The following SYNE2 variants were observed in gnomAD, a reference collection of about 807,000 sequenced individuals.
The protein encoded by SYNE2 is nesprin-2.
A neutral mutation model predicts 856.3 loss-of-function variants in SYNE2; 431 were observed. The observed-to-expected ratio is 0.50, with a 90% CI of 0.47 to 0.55. The LOEUF is 0.55. Ranked by LOEUF, SYNE2 falls within the 20% of genes least tolerant of loss-of-function variation. The pLI, the probability that SYNE2 is intolerant of heterozygous loss-of-function variation, is 0.00. For synonymous variants in SYNE2, 2,923 were observed against 2,872.3 expected (o/e 1.02, Z -0.56); for missense variants, 8,129 against 8,023.2 (o/e 1.01, Z -0.50).
chr14:64,192,592 AG>A (rs756657155), intron 99 of SYNE2, among the ~76,000 whole-genome samples: 187 of 152,354 alleles, frequency 1.2e-3, no homozygotes, highest in Non-Finnish European at 1.6e-3. Flanking sequence ...ATATATTGCC[AG>A]CTGCCTATAT....
rs1217717489 is a variant in SYNE2 at position 64,186,474 on chromosome 14, A to G, written c.17607A>G (p.Gln5869=). The G allele has an allele frequency of 1.2e-6, 2 of 1,614,204 alleles. No individual in the cohort carries two copies. The highest frequency in any genetic ancestry group is 1.7e-6 in the Non-Finnish European group (2 of 1,180,028). ...GGACTCAGAACTTGAAAGAACTTCA[A>G]ACTATGAAGGCGGACTTAACCCGGC... The part of the protein sequence containing the change: ...ASWTQNLKEL[Q]TMKADLTRHV... The change falls in exon 97 of 116, where the codon CAA becomes CAG. Residue 5869 remains glutamine (Q), a synonymous_variant. Transcript: ENST00000555002.
chr14:64,019,504 G>A (rs557360805), intron 34 of SYNE2, among the ~76,000 whole-genome samples: 1 of 152,294 alleles, frequency 6.6e-6, no homozygotes, highest in South Asian at 2.1e-4. Context: ...GGTATTAAGT[G>A]AAACTATGAT....
chr14:63,972,628 A>G (rs1232680591), intron 11 of SYNE2, among the ~76,000 whole-genome samples: 3 of 152,244 alleles, frequency 2.0e-5, no homozygotes, highest in Non-Finnish European at 4.4e-5. Flanking sequence ...AAGATCTTAC[A>G]TAAATTTTCA....
At chr14:63,928,868 G>A (rs1433958330) in intron 2 of SYNE2, among the ~76,000 whole-genome samples, 1 of 152,084 alleles carries the variant, frequency 6.6e-6, no homozygotes, top group Non-Finnish European at 1.5e-5. Flanking sequence ...CAGTGAGTTG[G>A]CAGTATTGTT....
intron 21 of SYNE2, among the ~76,000 whole-genome samples, chr14:63,991,991 G>A (rs759054126): frequency 5.3e-5 from 8 of 152,008 alleles, no homozygotes; most frequent in Non-Finnish European, 1.0e-4. Context: ...TGCTAACCAC[G>A]CTGGGGCCCT....
intron 1 of SYNE2, among the ~76,000 whole-genome samples, chr14:63,793,938 TAA>T (rs71120286): frequency 4.5e-4 from 66 of 147,264 alleles, no homozygotes; most frequent in Admixed American, 6.8e-4. Context: ...GACCCTGTCT[TAA>T]AAAAAAAAAA....
At chr14:64,024,529 G>C (rs919253272) in intron 39 of SYNE2, 70 bp downstream of exon 39, 2 of 1,458,972 alleles carry the variant, frequency 1.4e-6, no homozygotes, top group East Asian at 2.3e-5. Flanking sequence ...CTGCCTCAGC[G>C]CAGAGAGCAC....
At chr14:63,968,684 T>G (rs1415443733) in intron 11 of SYNE2, among the ~76,000 whole-genome samples, 1 of 152,184 alleles carries the variant, frequency 6.6e-6, no homozygotes. Context: ...TGTTAACTTT[T>G]AAAAAAATTC....
At chr14:64,134,044 T>A in intron 77 of SYNE2, 25 bp from the exon 78 acceptor site, 1 of 1,613,642 alleles carries the variant, frequency 6.2e-7, no homozygotes, top group South Asian at 1.1e-5. Flanking sequence ...GGGCTTCCAC[T>A]AATTTTATGT....
chr14:64,164,153 A>T (rs2098354598), intron 89 of SYNE2, among the ~76,000 whole-genome samples: 1 of 150,778 alleles, frequency 6.6e-6, no homozygotes, highest in Admixed American at 6.6e-5. Context: ...TCTGTCGCCC[A>T]GGCTGGAGTA....
At chr14:64,141,302 T>A (rs1567437618) in intron 80 of SYNE2, 39 bp from the exon 81 acceptor site, 1 of 1,562,728 alleles carries the variant, frequency 6.4e-7, no homozygotes, top group South Asian at 1.2e-5. Context: ...TCTGCTATAT[T>A]TAAATTTTAA....
chr14:63,946,419 C>A (rs2096028112), intron 6 of SYNE2, among the ~76,000 whole-genome samples: 1 of 151,504 alleles, frequency 6.6e-6, no homozygotes, highest in Admixed American at 6.6e-5. Context: ...CAGAGCAAGA[C>A]CCTGTCTCCA....
chr14:64,021,817 G>A, intron 36 of SYNE2, 40 bp from the exon 37 acceptor site: 1 of 1,607,764 alleles, frequency 6.2e-7, no homozygotes, highest in Non-Finnish European at 8.5e-7. Flanking sequence ...ATTTGAGCCT[G>A]TTTTAAGATT....
chr14:63,800,579 C>T (rs1287470980), intron 1 of SYNE2, among the ~76,000 whole-genome samples: 14 of 152,114 alleles, frequency 9.2e-5, no homozygotes, highest in East Asian at 7.7e-4. Context: ...CATGAGCCAC[C>T]GCACCCAGCC....
At chr14:64,087,589 A>G (rs1220002882) in intron 57 of SYNE2, 82 bp from the exon 58 acceptor site, 29 of 1,463,354 alleles carry the variant, frequency 2.0e-5, no homozygotes, top group Middle Eastern at 3.5e-4. Context: ...ATAACTTTCA[A>G]TTTTCTCTGA....
chr14:64,202,167 C>A (rs1290724604), intron 99 of SYNE2: 2 of 702,028 alleles, frequency 2.8e-6, no homozygotes, highest in Non-Finnish European at 5.2e-6. Flanking sequence ...TGCAGATTTC[C>A]TTTGCCCCCT....
chr14:64,049,373 G>A lies in SYNE2; in HGVS notation c.7378-238G>A, dbSNP rs114781040. ...GGCTGAGATGGGAGACCTGAGCCCAGGAATCTTAGGTTACAGTGAGCTATG... is the reference window on the plus strand; with the variant it reads ...GGCTGAGATGGGAGACCTGAGCCCAAGAATCTTAGGTTACAGTGAGCTATG... On this transcript the variant is annotated intron_variant, in intron 46 of 115. Transcript: ENST00000555002. The A allele has an allele frequency of 4.9e-3, 834 of 169,528 alleles. 10 individuals are homozygous for A. Among genetic ancestry groups the A allele is most frequent in the African/African-American group, 0.019 (812 of 41,700 alleles). The allele number at this position is 169,528 out of a possible 1,614,324, so 10.5% of individuals were successfully genotyped here. A position where few individuals can be genotyped will look rare whatever the true frequency, so the allele number is the denominator to read the frequency against.
chr14:63,828,988 G>A (rs1382783568), intron 1 of SYNE2, among the ~76,000 whole-genome samples: 10 of 152,150 alleles, frequency 6.6e-5, no homozygotes, highest in East Asian at 1.9e-4. Context: ...TGCCACTTAC[G>A]ATAGTACCAC....
chr14:63,880,611 A>G (rs543258203), intron 1 of SYNE2, among the ~76,000 whole-genome samples: 10 of 151,502 alleles, frequency 6.6e-5, no homozygotes, highest in Non-Finnish European at 1.5e-4. Flanking sequence ...CCTATTGAAT[A>G]TCAACATCGG....
Sources: gnomAD v4.1 joint callset for allele counts (sites outside exome capture counted in the v4.1 genomes callset) on GRCh38, gnomAD v4.1.1 for gene constraint, MANE v1.5 for transcripts, NCBI Gene and HGNC (gene_info 2026-07-23, HGNC 2026-07-21) for gene names.